The following MAGI2 variants were observed in gnomAD, a reference collection of about 807,000 sequenced individuals.
MAGI2 encodes the protein membrane-associated guanylate kinase, WW and PDZ domain-containing protein 2.
Under a neutral mutation model 133.3 loss-of-function variants are expected in MAGI2, and 35 were observed. The ratio of observed to expected loss-of-function variants is 0.26; its 90% CI spans 0.20 to 0.35. MAGI2 has a LOEUF of 0.35. Among genes scored for constraint, MAGI2 ranks in the 10% least tolerant of loss-of-function variants. The pLI, the probability that MAGI2 is intolerant of heterozygous loss-of-function variation, is 1.00. For synonymous variants in MAGI2, 729 were observed against 710.6 expected (o/e 1.03, Z -0.41); for missense variants, 1,636 against 1,863.4 (o/e 0.88, Z 2.25).
intron 10 of MAGI2, among the ~76,000 whole-genome samples, chr7:78,223,550 T>G (rs1160660222): frequency 1.3e-5 from 2 of 152,184 alleles, no homozygotes; most frequent in African/African-American, 4.8e-5. Context: ...TGTTATCAAA[T>G]AGTTCAAAGA....
At chr7:78,131,570 TA>T (rs1344555761) in intron 18 of MAGI2, among the ~76,000 whole-genome samples, 1 of 152,206 alleles carries the variant, frequency 6.6e-6, no homozygotes. Flanking sequence ...GTGAGGGGTT[TA>T]TATGCAGAGG....
intron 1 of MAGI2, among the ~76,000 whole-genome samples, chr7:79,345,577 T>A (rs1390456474): frequency 6.6e-6 from 1 of 152,046 alleles, no homozygotes; most frequent in Admixed American, 6.6e-5. Context: ...TTCTCTTGAG[T>A]GCAAAAAATG....
intron 2 of MAGI2, among the ~76,000 whole-genome samples, chr7:78,675,674 G>A (rs557859741): frequency 8.5e-5 from 13 of 152,242 alleles, no homozygotes; most frequent in Non-Finnish European, 1.3e-4. Flanking sequence ...CCACACAGAT[G>A]AGGTAATATA....
chr7:78,674,886 A>T (rs963324850), intron 2 of MAGI2, among the ~76,000 whole-genome samples: 1 of 152,166 alleles, frequency 6.6e-6, no homozygotes, highest in Non-Finnish European at 1.5e-5. Flanking sequence ...AGTATGGAGG[A>T]AAAAAGTGAT....
intron 1 of MAGI2, among the ~76,000 whole-genome samples, chr7:79,136,990 T>A (rs1821636680): frequency 6.6e-6 from 1 of 152,060 alleles, no homozygotes; most frequent in African/African-American, 2.4e-5. Flanking sequence ...CAAATACAGA[T>A]TCTTTTTTTT....
At chr7:79,065,519 A>G (rs1459841679) in intron 1 of MAGI2, among the ~76,000 whole-genome samples, 1 of 152,074 alleles carries the variant, frequency 6.6e-6, no homozygotes, top group Non-Finnish European at 1.5e-5. Context: ...TTATTATAAT[A>G]TGGTTAATTG....
rs73144681 is a variant in MAGI2 at position 78,135,365 on chromosome 7, C to A, written c.2846-159G>T. Among the ~76,000 whole-genome samples the A allele has an allele frequency of 0.098, 14,955 of 152,262 alleles. 1,000 individuals carry two copies. The highest frequency in any genetic ancestry group is 0.15 in the Non-Finnish European group (10,310 of 68,000). The stretch of plus-strand genomic sequence containing the variant: ...AATTTCTATCAAATGGGGTCCTGTG[C>A]ATACTACTGAGACCAAAGTTTCTAA... On this transcript the variant is annotated intron_variant, in intron 16 of 21. Transcript: ENST00000354212.
chr7:78,661,367 T>C (rs1413700204), intron 2 of MAGI2, among the ~76,000 whole-genome samples: 3 of 152,048 alleles, frequency 2.0e-5, no homozygotes, highest in African/African-American at 4.8e-5. Flanking sequence ...CATTTTTAAC[T>C]GCCTATTAGA....
chr7:78,127,517 A>G (rs1821115479), intron 18 of MAGI2, 101 bp from the exon 19 acceptor site: 4 of 767,524 alleles, frequency 5.2e-6, no homozygotes, highest in Non-Finnish European at 6.5e-6. Flanking sequence ...GACAGCTCAC[A>G]CAAACCACTC....
In MAGI2 at chr7:78,779,983, C is replaced by T. The variant is rs76296022; in HGVS notation, c.419-152744G>A. On this transcript the variant is annotated intron_variant, in intron 2 of 21. Transcript: ENST00000354212. Reference sequence around the variant, plus strand: ...AGGTACTTTTTACTGCACTATGCTGCCACCCTCTGGGACAGAAATTAGAAA... The same window carrying T: ...AGGTACTTTTTACTGCACTATGCTGTCACCCTCTGGGACAGAAATTAGAAA... Among the ~76,000 whole-genome samples the T allele has an allele frequency of 7.2e-5, 11 of 152,298 alleles. No individual in the cohort carries two copies. In the East Asian group the frequency reaches 2.1e-3, roughly 29 times the overall value.
At chr7:78,485,073 G>A (rs1339856727) in intron 6 of MAGI2, 1 of 152,022 alleles carries the variant, frequency 6.6e-6, no homozygotes, top group Non-Finnish European at 1.5e-5. Context: ...CTCATGGGAT[G>A]TCAGCACAGA....
At chr7:79,186,707 A>G (rs2129550795) in intron 1 of MAGI2, among the ~76,000 whole-genome samples, 1 of 132,112 alleles carries the variant, frequency 7.6e-6, no homozygotes, top group Non-Finnish European at 1.6e-5. Context: ...ATACAAAAGT[A>G]TATATATATA....
intron 2 of MAGI2, among the ~76,000 whole-genome samples, chr7:78,998,081 T>C (rs1479523331): frequency 6.6e-6 from 1 of 152,150 alleles, no homozygotes; most frequent in Non-Finnish European, 1.5e-5. Context: ...TGAAGGCAGA[T>C]TTCAAGGGAC....
chr7:78,914,608 G>A (rs1798647442), intron 2 of MAGI2, among the ~76,000 whole-genome samples: 1 of 152,082 alleles, frequency 6.6e-6, no homozygotes, highest in African/African-American at 2.4e-5. Context: ...GAAATTAAAG[G>A]CATTGGAATT....
intron 1 of MAGI2, among the ~76,000 whole-genome samples, chr7:79,174,369 A>C (rs1825895707): frequency 1.3e-5 from 2 of 152,140 alleles, no homozygotes; most frequent in Non-Finnish European, 2.9e-5. Flanking sequence ...ATACTTTAGA[A>C]GCATAAAAGG....
At chr7:79,350,894 CTTTG>C in intron 1 of MAGI2, among the ~76,000 whole-genome samples, 1 of 151,998 alleles carries the variant, frequency 6.6e-6, no homozygotes, top group East Asian at 1.9e-4. Context: ...ATCTATGTCC[CTTTG>C]TTTAATTGAT....
intron 2 of MAGI2, among the ~76,000 whole-genome samples, chr7:78,762,982 CT>C (rs945378290): frequency 1.3e-5 from 2 of 152,198 alleles, no homozygotes; most frequent in African/African-American, 4.8e-5. Context: ...TTCAATAGAA[CT>C]TAATTCAGGC....
At chr7:79,427,822 GATGGATTGGGCAAGGGAAA>G (rs963470904) in intron 1 of MAGI2, among the ~76,000 whole-genome samples, 73 of 152,252 alleles carry the variant, frequency 4.8e-4, no homozygotes, top group African/African-American at 1.7e-3. Flanking sequence ...TCACTTGCTG[GATGGATTGGGCAAGGGAAA>G]GACTGTCAGC....
At position 79,286,397 on chromosome 7, in the gene MAGI2, T is replaced by C. The variant is rs948690215; in HGVS notation, c.301+166623A>G. Among the ~76,000 whole-genome samples the C allele has an allele frequency of 3.9e-5, 6 of 152,038 alleles. No homozygotes were observed. The South Asian group carries it at 8.3e-4, about 21-fold the overall frequency. On this transcript the variant is annotated intron_variant, in intron 1 of 21. Transcript: ENST00000354212. ...TTGACAAAGTGCCCAGGTTCATTCA[T>C]CTGGTAAGCAGCAAAGCCAGCAGTT...
Sources: allele counts gnomAD v4.1 joint callset (sites outside exome capture counted in the v4.1 genomes callset), GRCh38; gene constraint gnomAD v4.1.1; transcripts MANE v1.5; gene names NCBI Gene and HGNC (gene_info 2026-07-23, HGNC 2026-07-21).